WWOX: variants seen among roughly 807,000 people sequenced by gnomAD.
The protein encoded by WWOX is WW domain containing oxidoreductase, also known as WW domain-containing oxidoreductase.
WWOX carries 69 observed loss-of-function variants against 46.2 expected under a neutral mutation model. That is an observed-to-expected ratio of 1.49 (90% CI 1.23 to 1.82). The LOEUF is 1.82. WWOX is among the 40% of genes most tolerant of loss of function. The probability of loss-of-function intolerance (pLI) is 0.00; values close to 1 mark genes in which losing one functional copy is unlikely to be tolerated. For synonymous variants in WWOX, 359 were observed against 202.6 expected (o/e 1.77, Z -6.56); for missense variants, 919 against 542.6 (o/e 1.69, Z -6.89).
intron 8 of WWOX, among the ~76,000 whole-genome samples, chr16:79,001,150 C>A (rs554739562): frequency 6.6e-6 from 1 of 152,274 alleles, no homozygotes; most frequent in South Asian, 2.1e-4. Context: ...CAGGGAGCTG[C>A]GATTTAATTT....
chr16:78,561,619 A>G (rs2044438326), intron 8 of WWOX, among the ~76,000 whole-genome samples: 3 of 152,080 alleles, frequency 2.0e-5, no homozygotes, highest in Admixed American at 1.3e-4. Flanking sequence ...AAGAGACCTG[A>G]TATTTGGAGA....
chr16:79,121,642 G>T (rs1194266070), intron 8 of WWOX, among the ~76,000 whole-genome samples: 2 of 152,186 alleles, frequency 1.3e-5, no homozygotes, highest in Non-Finnish European at 2.9e-5. Flanking sequence ...GAGTCCAAAA[G>T]GTGGGAGGTG....
chr16:78,143,759 T>TC (rs2034070386), intron 4 of WWOX, among the ~76,000 whole-genome samples: 1 of 150,680 alleles, frequency 6.6e-6, no homozygotes, highest in East Asian at 1.9e-4. Flanking sequence ...TATGTTTTTT[T>TC]TTTTTTTTTT....
At chr16:78,660,797 A>G (rs2047192035) in intron 8 of WWOX, among the ~76,000 whole-genome samples, 1 of 152,172 alleles carries the variant, frequency 6.6e-6, no homozygotes, top group African/African-American at 2.4e-5. Context: ...AGTTGCAGAT[A>G]TGGATAGCCT....
chr16:78,695,192 A>G (rs1445910656), intron 8 of WWOX, among the ~76,000 whole-genome samples: 1 of 152,064 alleles, frequency 6.6e-6, no homozygotes, highest in Non-Finnish European at 1.5e-5. Context: ...AGGTATGAAA[A>G]CCCTGCTAGT....
At chr16:78,940,441 C>T (rs535616165) in intron 8 of WWOX, among the ~76,000 whole-genome samples, 1 of 152,260 alleles carries the variant, frequency 6.6e-6, no homozygotes, top group African/African-American at 2.4e-5. Flanking sequence ...TTTTTAGATA[C>T]AAGTCAAAAT....
At position 78,165,124 on chromosome 16, in the gene WWOX, G is replaced by A. The variant is rs184500775; in HGVS notation, c.516+835G>A. On this transcript the variant is annotated intron_variant, in intron 5 of 8. Coordinates refer to ENST00000566780, the MANE Select transcript of WWOX (RefSeq NM_016373.4). ...GTGGGTAGGAGAGGTGCTGTTGGGG[G>A]ATGGGTATCTGGTAGACTCTGAGAT... is the stretch of plus-strand genomic sequence containing the variant. 2.8e-3 allele frequency among the ~76,000 whole-genome samples: 421 copies of A among 152,332 alleles called. 2 individuals carry two copies. The highest frequency in any genetic ancestry group is 0.017 in the South Asian group (84 of 4,826).
intron 8 of WWOX, among the ~76,000 whole-genome samples, chr16:78,751,579 A>G (rs868832316): frequency 6.6e-6 from 1 of 151,178 alleles, no homozygotes; most frequent in Non-Finnish European, 1.5e-5. Flanking sequence ...TTTACTAAAA[A>G]TAACAAAACA....
intron 5 of WWOX, among the ~76,000 whole-genome samples, chr16:78,356,117 G>A (rs1310257889): frequency 1.8e-5 from 1 of 55,606 alleles, no homozygotes; most frequent in Non-Finnish European, 3.9e-5. Flanking sequence ...AACCCGGGAG[G>A]TGGAGGTTGC....
chr16:78,436,839 C>A (rs899307432), intron 8 of WWOX, among the ~76,000 whole-genome samples: 2 of 152,222 alleles, frequency 1.3e-5, no homozygotes, highest in African/African-American at 4.8e-5. Flanking sequence ...CTCGGCATTG[C>A]TTCCGTCAGG....
chr16:78,456,026 T>C (rs1418734464), intron 8 of WWOX, among the ~76,000 whole-genome samples: 4 of 152,204 alleles, frequency 2.6e-5, no homozygotes, highest in Admixed American at 6.6e-5. Context: ...GATTCTACTT[T>C]TGTTACTACC....
intron 6 of WWOX, among the ~76,000 whole-genome samples, chr16:78,410,801 A>G (rs372183684): frequency 1.8e-5 from 2 of 111,336 alleles, no homozygotes; most frequent in African/African-American, 9.6e-5. Flanking sequence ...GCAAGGCCCC[A>G]CCTCAAAAAA....
intron 4 of WWOX, among the ~76,000 whole-genome samples, chr16:78,121,773 T>C (rs988281175): frequency 1.3e-5 from 2 of 151,998 alleles, no homozygotes; most frequent in African/African-American, 2.4e-5. Flanking sequence ...GTGATTCTCA[T>C]GTCTCAGCCT....
At chr16:78,985,289 A>G (rs911894683) in intron 8 of WWOX, among the ~76,000 whole-genome samples, 5 of 152,176 alleles carry the variant, frequency 3.3e-5, no homozygotes, top group Admixed American at 6.5e-5. Flanking sequence ...GCATTATGTC[A>G]GAATAGAGGA....
intron 8 of WWOX, among the ~76,000 whole-genome samples, chr16:78,603,404 A>G (rs534759179): frequency 3.9e-5 from 6 of 152,268 alleles, no homozygotes; most frequent in African/African-American, 1.4e-4. Context: ...ATTTTAAAAA[A>G]CTATATCCTG....
intron 5 of WWOX, chr16:78,355,772 C>G (rs986648630): frequency 2.9e-5 from 20 of 700,128 alleles, no homozygotes; most frequent in Admixed American, 2.3e-4. Flanking sequence ...ACAGAATATT[C>G]CAGTGTTCTT....
At chr16:78,230,206 A>T (rs924637671) in intron 5 of WWOX, among the ~76,000 whole-genome samples, 5 of 152,074 alleles carry the variant, frequency 3.3e-5, no homozygotes, top group Non-Finnish European at 7.3e-5. Flanking sequence ...GCATCTTTCA[A>T]TCCATCTAAT....
intron 8 of WWOX, among the ~76,000 whole-genome samples, chr16:78,884,054 A>C (rs2044399710): frequency 6.6e-6 from 1 of 152,026 alleles, no homozygotes; most frequent in Admixed American, 6.6e-5. Flanking sequence ...CGAGGCAGGC[A>C]GATTGCTTGA....
At chr16:78,176,820 G>A (rs1161112778) in intron 5 of WWOX, among the ~76,000 whole-genome samples, 1 of 152,186 alleles carries the variant, frequency 6.6e-6, no homozygotes, top group Non-Finnish European at 1.5e-5. Flanking sequence ...AAATAAAAAG[G>A]AAGGGGCAGG....
Sources: gnomAD v4.1 joint callset for allele counts (sites outside exome capture counted in the v4.1 genomes callset) on GRCh38, gnomAD v4.1.1 for gene constraint, MANE v1.5 for transcripts, NCBI Gene and HGNC (gene_info 2026-07-23, HGNC 2026-07-21) for gene names.